TRAPPC9: variants seen among roughly 807,000 people sequenced by gnomAD.
TRAPPC9 encodes trafficking protein particle complex subunit 9.
Under a neutral mutation model 124.0 loss-of-function variants are expected in TRAPPC9, and 83 were observed. The observed-to-expected ratio is 0.67, with a 90% CI of 0.56 to 0.80. TRAPPC9 has a LOEUF of 0.80. TRAPPC9 is among the 30% of genes least tolerant of loss of function. TRAPPC9 has a pLI of 0.00. For missense variants in TRAPPC9, 1,302 were observed against 1,508.3 expected (o/e 0.86, Z 2.27); for synonymous variants, 638 against 617.5 (o/e 1.03, Z -0.49).
At chr8:140,453,574 A>G (rs1438626558) in intron 1 of TRAPPC9, among the ~76,000 whole-genome samples, 3 of 120,424 alleles carry the variant, frequency 2.5e-5, no homozygotes, top group African/African-American at 9.3e-5. Context: ...AGAAGTATGA[A>G]CAAAATTAAA....
At chr8:139,777,045 C>T (rs1186735212) in intron 21 of TRAPPC9, among the ~76,000 whole-genome samples, 3 of 152,198 alleles carry the variant, frequency 2.0e-5, no homozygotes, top group Non-Finnish European at 4.4e-5. Flanking sequence ...TTCACACACA[C>T]CACCAAGGTC....
intron 21 of TRAPPC9, among the ~76,000 whole-genome samples, chr8:139,834,901 G>A (rs1195112534): frequency 6.6e-6 from 1 of 152,178 alleles, no homozygotes; most frequent in Non-Finnish European, 1.5e-5. Context: ...CAGGTTCTGA[G>A]TCCAATGTTT....
At chr8:140,178,609 T>C (rs1348299352) in intron 17 of TRAPPC9, among the ~76,000 whole-genome samples, 1 of 152,140 alleles carries the variant, frequency 6.6e-6, no homozygotes, top group African/African-American at 2.4e-5. Context: ...GTCTCTGATG[T>C]TGGTGTCAGG....
intron 7 of TRAPPC9, among the ~76,000 whole-genome samples, chr8:140,377,736 C>T (rs2068484790): frequency 6.6e-6 from 1 of 152,180 alleles, no homozygotes; most frequent in Non-Finnish European, 1.5e-5. Flanking sequence ...CTTTCCTAAA[C>T]TCCTCTCCTG....
intron 21 of TRAPPC9, among the ~76,000 whole-genome samples, chr8:139,871,249 C>T (rs1002922879): frequency 1.3e-4 from 20 of 152,148 alleles, no homozygotes; most frequent in African/African-American, 4.6e-4. Context: ...CACCTGGGCC[C>T]ACCTTGGGTA....
At chr8:139,880,507 C>A (rs969638819) in intron 21 of TRAPPC9, among the ~76,000 whole-genome samples, 1 of 152,242 alleles carries the variant, frequency 6.6e-6, no homozygotes, top group Middle Eastern at 3.4e-3. Flanking sequence ...TTGACCCAAC[C>A]CAGACCCTCC....
At chr8:140,367,349 T>C (rs1296138742) in intron 8 of TRAPPC9, among the ~76,000 whole-genome samples, 3 of 152,216 alleles carry the variant, frequency 2.0e-5, no homozygotes, top group Non-Finnish European at 2.9e-5. Flanking sequence ...GGTGAATGTA[T>C]AAATAACTGT....
At chr8:140,314,653 AAAC>A (rs2066397341) in intron 9 of TRAPPC9, among the ~76,000 whole-genome samples, 1 of 152,126 alleles carries the variant, frequency 6.6e-6, no homozygotes, top group African/African-American at 2.4e-5. Flanking sequence ...TCCATGAGAC[AAAC>A]GTTTAAAAAT....
chr8:139,758,061 A>G (rs1819974372), intron 21 of TRAPPC9, among the ~76,000 whole-genome samples: 1 of 152,214 alleles, frequency 6.6e-6, no homozygotes, highest in Non-Finnish European at 1.5e-5. Context: ...TAGAGAAGAA[A>G]GCAATTAGAA....
Position 140,451,335 on chromosome 8 carries a change from G to A in TRAPPC9, c.39C>T (p.His13=), listed in dbSNP as rs778015547. The change falls in exon 2 of 23, where the codon CAC becomes CAT. Residue 13 remains histidine, a synonymous_variant. Transcript: ENST00000438773. ...GCTGGACCACCACGAGCAGCGTCTGGTGGTCCTCAGCACACTGCATGTAGT... is the reference window on the plus strand; with the variant it reads ...GCTGGACCACCACGAGCAGCGTCTGATGGTCCTCAGCACACTGCATGTAGT... ...VPDYMQCAED[H]QTLLVVVQPV... 1 of 1,606,250 alleles carries A rather than the reference G, an allele frequency of 6.2e-7. No individual in the cohort carries two copies. The highest frequency in any genetic ancestry group is 1.1e-5 in the South Asian group (1 of 91,074).
At chr8:140,413,539 C>T (rs202246495) in intron 5 of TRAPPC9, among the ~76,000 whole-genome samples, 3 of 147,638 alleles carry the variant, frequency 2.0e-5, no homozygotes, top group Non-Finnish European at 4.5e-5. Flanking sequence ...CTTTAAGTTT[C>T]AGGGTACATG....
intron 19 of TRAPPC9, among the ~76,000 whole-genome samples, chr8:139,919,647 C>G (rs1333619397): frequency 6.6e-6 from 1 of 152,166 alleles, no homozygotes; most frequent in Non-Finnish European, 1.5e-5. Context: ...TTATTTTCAC[C>G]CATTGACCTG....
intron 19 of TRAPPC9, among the ~76,000 whole-genome samples, chr8:139,974,300 G>C (rs1269008010): frequency 6.6e-6 from 1 of 152,192 alleles, no homozygotes; most frequent in African/African-American, 2.4e-5. Context: ...GAATCTCAGA[G>C]CGTGGATGTA....
At chr8:139,996,309 T>A (rs992440977) in intron 18 of TRAPPC9, among the ~76,000 whole-genome samples, 2 of 151,742 alleles carry the variant, frequency 1.3e-5, no homozygotes, top group Non-Finnish European at 2.9e-5. Context: ...CAGATCTCAC[T>A]AATACTCAGA....
intron 18 of TRAPPC9, among the ~76,000 whole-genome samples, chr8:140,011,713 T>C (rs1447386913): frequency 1.5e-5 from 2 of 135,266 alleles, no homozygotes; most frequent in Non-Finnish European, 3.1e-5. Context: ...AGTCTTGCTC[T>C]GTAGCCCAGG....
intron 9 of TRAPPC9, among the ~76,000 whole-genome samples, chr8:140,351,564 G>A (rs928884950): frequency 2.0e-5 from 3 of 152,040 alleles, no homozygotes; most frequent in Admixed American, 6.5e-5. Flanking sequence ...AGCCCAAGAG[G>A]ACAAGACCAG....
At chr8:140,398,835 C>A (rs2069167996) in intron 6 of TRAPPC9, among the ~76,000 whole-genome samples, 1 of 152,258 alleles carries the variant, frequency 6.6e-6, no homozygotes, top group Non-Finnish European at 1.5e-5. Context: ...AAATGTTAAT[C>A]CCCAAGACAA....
chr8:140,325,235 T>C (rs1027980099), intron 9 of TRAPPC9, among the ~76,000 whole-genome samples: 2 of 152,186 alleles, frequency 1.3e-5, no homozygotes, highest in Non-Finnish European at 2.9e-5. Flanking sequence ...TAAATGTTCA[T>C]ATTAGAAAAA....
chr8:139,728,627 C>T lies in TRAPPC9; in HGVS notation c.*2434G>A, dbSNP rs148472600. On this transcript the variant is annotated 3_prime_UTR_variant, in exon 23 of 23. Coordinates refer to ENST00000438773, the MANE Select transcript of TRAPPC9 (RefSeq NM_001160372.4). Reference sequence around the variant, plus strand: ...CCACATCCCACGGTAAAGCTCCAAACGCTTGGAGCACACACAAGGCCTGAC... The same window carrying T: ...CCACATCCCACGGTAAAGCTCCAAATGCTTGGAGCACACACAAGGCCTGAC... 7.2e-5 allele frequency among the ~76,000 whole-genome samples: 11 copies of T among 152,326 alleles called. No homozygotes were observed. Among genetic ancestry groups the T allele is most frequent in the South Asian group, 6.2e-4 (3 of 4,824 alleles).
Sources: allele counts gnomAD v4.1 joint callset (sites outside exome capture counted in the v4.1 genomes callset), GRCh38; gene constraint gnomAD v4.1.1; transcripts MANE v1.5; gene names NCBI Gene and HGNC (gene_info 2026-07-23, HGNC 2026-07-21).